Variants in INO80 observed in about 807,000 individuals in gnomAD.
INO80 encodes the protein chromatin-remodeling ATPase INO80.
INO80 carries 20 observed loss-of-function variants against 203.4 expected under a neutral mutation model. The ratio of observed to expected loss-of-function variants is 0.10; its 90% CI spans 0.07 to 0.14. The LOEUF (loss-of-function observed/expected upper bound fraction) is 0.14, where lower values mean the gene tolerates loss of function less well. Among genes scored for constraint, INO80 ranks in the 10% least tolerant of loss-of-function variants. The pLI is 1.00. For synonymous variants in INO80, 726 were observed against 685.2 expected, an observed-to-expected ratio of 1.06 and a Z score of -0.93; for missense variants, 1,419 against 1,914.4, an observed-to-expected ratio of 0.74 and a Z score of 4.83.
intron 26 of INO80, chr15:41,019,601 T>G (rs2925345): frequency 6.6e-6 from 1 of 152,038 alleles, no homozygotes; most frequent in South Asian, 2.1e-4. Context: ...ACGGTGCTCA[T>G]CTCTTGCCTG....
chr15:41,051,242 A>C (rs2044865468), intron 19 of INO80, among the ~76,000 whole-genome samples: 1 of 151,890 alleles, frequency 6.6e-6, no homozygotes, highest in African/African-American at 2.4e-5. Flanking sequence ...AAAATTAGCC[A>C]AAACAGGCTG....
intron 24 of INO80, among the ~76,000 whole-genome samples, chr15:41,028,256 C>T (rs2044406614): frequency 6.6e-6 from 1 of 152,110 alleles, no homozygotes. Flanking sequence ...ATGCCTCATC[C>T]TCCCGAGTAG....
At chr15:41,080,366 T>C (rs1053522971) in intron 8 of INO80, among the ~76,000 whole-genome samples, 1 of 152,148 alleles carries the variant, frequency 6.6e-6, no homozygotes, top group African/African-American at 2.4e-5. Flanking sequence ...ACTAATAACA[T>C]GGCCTAATCT....
At chr15:41,044,784 A>T (rs2044725232) in intron 24 of INO80, 120 bp downstream of exon 24, 3 of 792,736 alleles carry the variant, frequency 3.8e-6, no homozygotes, top group Admixed American at 6.2e-5. Context: ...TGCACCGCCC[A>T]CTCCTCTGGG....
chr15:41,079,954 G>A, intron 8 of INO80, 50 bp from the exon 9 acceptor site: 1 of 1,505,574 alleles, frequency 6.6e-7, no homozygotes, highest in Non-Finnish European at 9.2e-7. Context: ...ACCAGAAGCT[G>A]GTTCTTCCTG....
chr15:41,105,292 C>T (rs1006172973), intron 1 of INO80, among the ~76,000 whole-genome samples: 25 of 152,178 alleles, frequency 1.6e-4, no homozygotes, highest in African/African-American at 5.5e-4. Context: ...TGGGGGGGCA[C>T]CTCCATTATA....
chr15:41,112,540 G>A (rs145045651), intron 1 of INO80, among the ~76,000 whole-genome samples: 199 of 152,084 alleles, frequency 1.3e-3, no homozygotes, highest in African/African-American at 4.5e-3. Context: ...TGTAATCCCA[G>A]CACTTTGGGA....
chr15:41,077,930 T>A (rs1171712862), intron 9 of INO80, among the ~76,000 whole-genome samples: 1 of 151,562 alleles, frequency 6.6e-6, no homozygotes, highest in Non-Finnish European at 1.5e-5. Context: ...AGATGGATTC[T>A]TCCTCTGTCA....
At chr15:40,995,889 CAG>C (rs1183293420) in intron 29 of INO80, among the ~76,000 whole-genome samples, 1 of 152,234 alleles carries the variant, frequency 6.6e-6, no homozygotes, top group Non-Finnish European at 1.5e-5. Context: ...CATAGTATGA[CAG>C]ATGCTGATGA....
intron 24 of INO80, among the ~76,000 whole-genome samples, chr15:41,029,317 T>C (rs2044424220): frequency 6.7e-6 from 1 of 149,484 alleles, no homozygotes; most frequent in African/African-American, 2.6e-5. Flanking sequence ...TGTAAGGAAA[T>C]GGGTTCTTAA....
At chr15:41,085,701 T>C (rs978667974) in intron 6 of INO80, 118 bp from the exon 7 acceptor site, 15 of 697,012 alleles carry the variant, frequency 2.2e-5, no homozygotes, top group Non-Finnish European at 2.9e-5. Context: ...ACAACACATA[T>C]CCCTTTATCT....
At chr15:41,068,651 AG>A (rs904638831) in intron 14 of INO80, among the ~76,000 whole-genome samples, 3 of 152,102 alleles carry the variant, frequency 2.0e-5, no homozygotes, top group African/African-American at 7.2e-5. Context: ...TGAGGTCAAG[AG>A]TTTGAGACCA....
chr15:40,997,801 C>A, intron 28 of INO80, 200 bp from the exon 29 acceptor site: 1 of 445,494 alleles, frequency 2.2e-6, no homozygotes, highest in South Asian at 2.6e-5. Context: ...GGTCATCTTC[C>A]AATTTGCAGA....
chr15:41,014,539 C>G (rs1243728032), intron 27 of INO80, among the ~76,000 whole-genome samples: 2 of 152,166 alleles, frequency 1.3e-5, no homozygotes, highest in African/African-American at 4.8e-5. Context: ...TCAAACACAA[C>G]AGCTTAATCA....
At chr15:41,075,273 TTC>T (rs2045385375) in intron 9 of INO80, among the ~76,000 whole-genome samples, 1 of 151,316 alleles carries the variant, frequency 6.6e-6, no homozygotes, top group Non-Finnish European at 1.5e-5. Context: ...TCAGAAACTT[TTC>T]TTTTTTTTTT....
chr15:41,056,477 G>A, intron 17 of INO80, 145 bp downstream of exon 17: 1 of 630,286 alleles, frequency 1.6e-6, no homozygotes, highest in Non-Finnish European at 2.8e-6. Flanking sequence ...ATGCCTAAAA[G>A]ACGACTTGGG....
chr15:40,987,280 C>G (rs1462070024), intron 30 of INO80, 87 bp from the exon 31 acceptor site: 2 of 799,818 alleles, frequency 2.5e-6, no homozygotes, highest in Non-Finnish European at 4.3e-6. Context: ...CGTTCTCAAC[C>G]CACTCCTCAG....
At chr15:41,089,625 C>T in intron 5 of INO80, among the ~76,000 whole-genome samples, 1 of 152,158 alleles carries the variant, frequency 6.6e-6, no homozygotes, top group East Asian at 1.9e-4. Flanking sequence ...TGCCTGTAAT[C>T]CCAGCTACTC....
At chr15:41,041,866 G>A (rs1319085317) in intron 24 of INO80, among the ~76,000 whole-genome samples, 7 of 137,436 alleles carry the variant, frequency 5.1e-5, no homozygotes, top group Admixed American at 2.4e-4. Flanking sequence ...GCAGGGTCTC[G>A]CTCTGTCACT....
Sources: gnomAD v4.1 joint callset for allele counts (sites outside exome capture counted in the v4.1 genomes callset) on GRCh38, gnomAD v4.1.1 for gene constraint, MANE v1.5 for transcripts, NCBI Gene and HGNC (gene_info 2026-07-23, HGNC 2026-07-21) for gene names.